RPAP3: variants seen among roughly 807,000 people sequenced by gnomAD.
RPAP3 encodes the protein RNA polymerase II associated protein 3.
RPAP3 carries 58 observed loss-of-function variants against 88.8 expected under a neutral mutation model. The ratio of observed to expected loss-of-function variants is 0.65; its 90% CI spans 0.53 to 0.81. RPAP3 has a LOEUF of 0.81. RPAP3 is among the 40% of genes least tolerant of loss of function. The pLI is 0.00. For missense variants in RPAP3, 751 were observed against 764.3 expected, an observed-to-expected ratio of 0.98 and a Z score of 0.20; for synonymous variants, 255 against 259.9, an observed-to-expected ratio of 0.98 and a Z score of 0.18.
At chr12:47,684,376 A>G (rs1174134622) in intron 9 of RPAP3, among the ~76,000 whole-genome samples, 1 of 152,160 alleles carries the variant, frequency 6.6e-6, no homozygotes, top group Non-Finnish European at 1.5e-5. Context: ...TGCTGGTTCT[A>G]ATTAGCTCTA....
chr12:47,666,848 C>T (rs1938883894), intron 16 of RPAP3, 132 bp downstream of exon 16: 1 of 272,726 alleles, frequency 3.7e-6, no homozygotes, highest in Non-Finnish European at 6.7e-6. Flanking sequence ...TAATATCATC[C>T]AATTTAAATA....
At chr12:47,701,377 A>C in intron 3 of RPAP3, 87 bp downstream of exon 3, 1 of 953,268 alleles carries the variant, frequency 1.0e-6, no homozygotes, top group Non-Finnish European at 1.5e-6. Context: ...ATAACTCTAC[A>C]TTATTTTTCA....
chr12:47,677,677 A>AAAT (rs1565716181), intron 12 of RPAP3, among the ~76,000 whole-genome samples: 1 of 152,140 alleles, frequency 6.6e-6, no homozygotes, highest in Non-Finnish European at 1.5e-5. Context: ...TGCTACAAAG[A>AAAT]GAATAAAATA....
intron 11 of RPAP3, 41 bp downstream of exon 11, chr12:47,679,663 T>TACAA: frequency 1.3e-6 from 2 of 1,536,520 alleles, no homozygotes; most frequent in South Asian, 1.2e-5. Flanking sequence ...TATTTATGTT[T>TACAA]CAGAAAATAT....
Position 47,686,862 on chromosome 12 carries a change from A to T in RPAP3, c.910T>A (p.Cys304Ser). ...TCTGCTGCTATCCCTCGAGTATAGC[A>T]TTCAATTGCTCTTTCATATTTCCCC... ...KEGKYERAIE[C>S]YTRGIAADGA... is the part of the protein sequence containing the mutation. Residue 304 changes from cysteine (C) to serine (S), a missense_variant, in exon 9 of 17, where the codon TGC becomes AGC. Cys to Ser is a moderately radical substitution (Grantham distance 112). Coordinates refer to ENST00000005386, the MANE Select transcript of RPAP3 (RefSeq NM_024604.3). The T allele has an allele frequency of 6.2e-7, 1 of 1,604,860 alleles. No homozygotes were observed. Among genetic ancestry groups the T allele is most frequent in the Non-Finnish European group, 8.5e-7 (1 of 1,173,372 alleles).
At chr12:47,692,759 G>A (rs1939451880) in intron 5 of RPAP3, among the ~76,000 whole-genome samples, 1 of 152,222 alleles carries the variant, frequency 6.6e-6, no homozygotes, top group Admixed American at 6.5e-5. Context: ...CTTTCAGTCA[G>A]TCTTGGCTTT....
At chr12:47,681,965 AT>A in intron 9 of RPAP3, 148 bp from the exon 10 acceptor site, 2 of 752,046 alleles carry the variant, frequency 2.7e-6, no homozygotes, top group Non-Finnish European at 3.9e-6. Flanking sequence ...TATTTTATAA[AT>A]TTTTTATTCT....
rs1938782110 is a variant in RPAP3, at chr12:47,662,561, A to G, written c.*944T>C. ...TGTCCTAATATTTTTTAACAACTTG[A>G]TAGTCTCTAAAATTAACTGGTTTTA... On this transcript the variant is annotated 3_prime_UTR_variant, in exon 17 of 17. Transcript: ENST00000005386. 2 of 152,192 alleles carry G rather than the reference A, an allele frequency of 1.3e-5. No individual in the cohort carries two copies. Among genetic ancestry groups the G allele is most frequent in the African/African-American group, 4.8e-5 (2 of 41,466 alleles). 9.4% of individuals were successfully genotyped at this position (152,192 alleles called of 1,614,324 possible).
chr12:47,688,577 C>T (rs1404627814), intron 7 of RPAP3, among the ~76,000 whole-genome samples: 2 of 152,108 alleles, frequency 1.3e-5, no homozygotes, highest in African/African-American at 2.4e-5. Flanking sequence ...AATTTCTATA[C>T]GGGCCAGACA....
At chr12:47,694,536 T>C (rs1156883930) in intron 5 of RPAP3, among the ~76,000 whole-genome samples, 1 of 152,074 alleles carries the variant, frequency 6.6e-6, no homozygotes, top group Admixed American at 6.5e-5. Flanking sequence ...AATGTTTCTA[T>C]TCATTAAAAT....
chr12:47,682,590 A>G (rs1939244512), intron 9 of RPAP3, among the ~76,000 whole-genome samples: 2 of 152,032 alleles, frequency 1.3e-5, no homozygotes, highest in Non-Finnish European at 2.9e-5. Context: ...AATATGACCA[A>G]AAAAAGTATG....
intron 12 of RPAP3, among the ~76,000 whole-genome samples, chr12:47,675,578 A>C (rs1274394737): frequency 6.6e-6 from 1 of 152,242 alleles, no homozygotes; most frequent in Non-Finnish European, 1.5e-5. Context: ...AAGCAAAAAA[A>C]AGCAGGGGTT....
At chr12:47,698,958 A>G (rs1939592183) in intron 3 of RPAP3, among the ~76,000 whole-genome samples, 1 of 152,250 alleles carries the variant, frequency 6.6e-6, no homozygotes, top group African/African-American at 2.4e-5. Context: ...TTAAATGAAC[A>G]TTGAAACATG....
chr12:47,696,959 A>G (rs1304135933), intron 4 of RPAP3, among the ~76,000 whole-genome samples: 1 of 152,222 alleles, frequency 6.6e-6, no homozygotes, highest in East Asian at 1.9e-4. Flanking sequence ...TGGTCACTGT[A>G]TGGGTACAAC....
intron 15 of RPAP3, 29 bp from the exon 16 acceptor site, chr12:47,667,109 G>C (rs1282309885): frequency 1.1e-5 from 12 of 1,083,356 alleles, no homozygotes; most frequent in Non-Finnish European, 1.4e-5. Context: ...AGAAACAAAT[G>C]ATCAGTTAAA....
chr12:47,685,095 T>C (rs535084487), intron 9 of RPAP3, among the ~76,000 whole-genome samples: 3 of 152,158 alleles, frequency 2.0e-5, no homozygotes, highest in Non-Finnish European at 4.4e-5. Context: ...ATCAGATATT[T>C]TGGCCGGGCG....
At position 47,690,531 on chromosome 12, in the gene RPAP3, T is replaced by G. The variant is rs746165934; in HGVS notation, c.654A>C (p.Glu218Asp). The G allele has an allele frequency of 4.4e-6, 7 of 1,601,870 alleles. No individual in the cohort carries two copies. The highest frequency in any genetic ancestry group is 1.3e-5 in the African/African-American group (1 of 74,632). Residue 218 changes from glutamate (E) to aspartate (D), a missense_variant, in exon 6 of 17, where the codon GAA becomes GAC. Glu to Asp is a conservative substitution (Grantham distance 45). Transcript: ENST00000005386. The part of the protein sequence containing the change: ...GAARFALQKL[E>D]EAKKDYERVL... ...ACTAGAAAATACCTTTTTTGGCCTCTTCTAATTTTTGCAAAGCAAATCGAG... is the reference window on the plus strand; with the variant it reads ...ACTAGAAAATACCTTTTTTGGCCTCGTCTAATTTTTGCAAAGCAAATCGAG...
At position 47,705,206 on chromosome 12, in the gene RPAP3, G is replaced by C. The variant is rs529386285; in HGVS notation, c.-7+746C>G. On this transcript the variant is annotated intron_variant, in intron 1 of 16. Coordinates refer to ENST00000005386, the MANE Select transcript of RPAP3 (RefSeq NM_024604.3). ...GGCGGAGGGAAGAGAAGTAAGGTGGGAGGGAGAGAGACGGAATTAGAAAAA... is the reference window on the plus strand; with the variant it reads ...GGCGGAGGGAAGAGAAGTAAGGTGGCAGGGAGAGAGACGGAATTAGAAAAA... Among the ~76,000 whole-genome samples the C allele has an allele frequency of 1.2e-4, 18 of 152,296 alleles. No individual in the cohort carries two copies. In the South Asian group the frequency reaches 3.7e-3, roughly 32 times the overall value.
At position 47,697,614 on chromosome 12, in the gene RPAP3, G is replaced by C; in HGVS notation, c.400C>G (p.Leu134Val). The C allele has an allele frequency of 6.2e-7, 1 of 1,603,738 alleles. No homozygotes were observed. The highest frequency in any genetic ancestry group is 8.5e-7 in the Non-Finnish European group (1 of 1,176,834). ...DGIHVDSQKA[L>V]VLKEKGNKYF... Reference sequence around the variant, plus strand: ...ATTAGTACCTTTTCTTTTAAAACAAGAGCCTTTTGTGAATCTACATGAATC... The same window carrying C: ...ATTAGTACCTTTTCTTTTAAAACAACAGCCTTTTGTGAATCTACATGAATC... The change falls in exon 4 of 17, where the codon CTT (leucine) becomes GTT (valine). Residue 134 changes from leucine (L) to valine (V), a missense_variant. By Grantham distance (32) the Leu-to-Val change is conservative (BLOSUM62 1). Coordinates refer to ENST00000005386, the MANE Select transcript of RPAP3 (RefSeq NM_024604.3).
Sources: allele counts gnomAD v4.1 joint callset (sites outside exome capture counted in the v4.1 genomes callset), GRCh38; gene constraint gnomAD v4.1.1; transcripts MANE v1.5; gene names NCBI Gene and HGNC (gene_info 2026-07-23, HGNC 2026-07-21).